Variants in PCMTD1 observed in about 807,000 individuals in gnomAD.
PCMTD1 encodes protein-L-isoaspartate O-methyltransferase domain-containing protein 1.
A neutral mutation model predicts 37.6 loss-of-function variants in PCMTD1; 12 were observed. That is an observed-to-expected ratio of 0.32 (90% CI 0.20 to 0.52). The LOEUF is 0.52. Among genes scored for constraint, PCMTD1 ranks in the 20% least tolerant of loss-of-function variants. PCMTD1 has a pLI of 0.97. For synonymous variants in PCMTD1, 117 were observed against 135.8 expected, an observed-to-expected ratio of 0.86 and a Z score of 0.96; for missense variants, 235 against 421.3, an observed-to-expected ratio of 0.56 and a Z score of 3.87.
intron 1 of PCMTD1, among the ~76,000 whole-genome samples, chr8:51,884,977 T>C (rs2038844321): frequency 6.6e-6 from 1 of 152,184 alleles, no homozygotes; most frequent in Non-Finnish European, 1.5e-5. Flanking sequence ...CTGTACTTCC[T>C]ACTGGTTCTG....
chr8:51,850,923 A>G (rs146132451), intron 2 of PCMTD1, among the ~76,000 whole-genome samples: 80 of 152,344 alleles, frequency 5.3e-4, no homozygotes, highest in East Asian at 2.7e-3. Context: ...TTCTTTTCAC[A>G]AATATCCTGT....
chr8:51,896,959 G>A (rs1292745885), intron 1 of PCMTD1, among the ~76,000 whole-genome samples: 1 of 150,644 alleles, frequency 6.6e-6, no homozygotes, highest in Non-Finnish European at 1.5e-5. Flanking sequence ...TATAGAATGA[G>A]AAGAATGTCA....
At chr8:51,881,529 A>G (rs997710320) in intron 1 of PCMTD1, among the ~76,000 whole-genome samples, 7 of 152,198 alleles carry the variant, frequency 4.6e-5, no homozygotes, top group Non-Finnish European at 8.8e-5. Flanking sequence ...TAGCATCTAT[A>G]TTTACATCTA....
rs2129270572 is a variant in PCMTD1, at chr8:51,817,964, T to C, written c.*2387A>G. ...CACCCAAATTAGATGATACTTACTG[T>C]TTTAACTAGCTATAAAATTCCAATA... On this transcript the variant is annotated 3_prime_UTR_variant, in exon 6 of 6. Transcript: ENST00000522514. The C allele has an allele frequency of 6.6e-6, 3 of 456,580 alleles. No individual in the cohort carries two copies. Among genetic ancestry groups the C allele is most frequent in the South Asian group, 4.7e-5 (3 of 64,508 alleles). 28.3% of individuals were successfully genotyped at this position (456,580 alleles called of 1,614,324 possible). A position where few individuals can be genotyped will look rare whatever the true frequency, so the allele number is the denominator to read the frequency against.
intron 1 of PCMTD1, among the ~76,000 whole-genome samples, chr8:51,882,470 C>A (rs910830828): frequency 6.6e-6 from 1 of 152,128 alleles, no homozygotes; most frequent in South Asian, 2.1e-4. Flanking sequence ...CTCAAACACC[C>A]GCCTATGTAT....
chr8:51,836,497 C>T (rs1318922799), intron 3 of PCMTD1, among the ~76,000 whole-genome samples: 1 of 151,964 alleles, frequency 6.6e-6, no homozygotes, highest in African/African-American at 2.4e-5. Context: ...TATTTTCCTG[C>T]TGTCTTTGAA....
chr8:51,860,701 TTTTCACATCTA>T, intron 2 of PCMTD1, 133 bp downstream of exon 2: 1 of 687,226 alleles, frequency 1.5e-6, no homozygotes, highest in Non-Finnish European at 2.3e-6. Flanking sequence ...CTACTTTGTG[TTTTCACATCTA>T]AGTAAGGAAG....
chr8:51,857,370 A>G (rs1470815921), intron 2 of PCMTD1, among the ~76,000 whole-genome samples: 1 of 152,246 alleles, frequency 6.6e-6, no homozygotes, highest in East Asian at 1.9e-4. Flanking sequence ...TATATGTTTT[A>G]TAAGATACCT....
intron 2 of PCMTD1, among the ~76,000 whole-genome samples, chr8:51,847,385 G>A (rs1465262286): frequency 6.6e-6 from 1 of 152,182 alleles, no homozygotes; most frequent in East Asian, 1.9e-4. Flanking sequence ...CCAGCACTTT[G>A]GGAGGCCAAG....
chr8:51,859,062 C>G (rs2038433613), intron 2 of PCMTD1, among the ~76,000 whole-genome samples: 1 of 152,124 alleles, frequency 6.6e-6, no homozygotes, highest in African/African-American at 2.4e-5. Context: ...CATACCTCCC[C>G]CATCCCAAGT....
chr8:51,868,174 T>TG (rs985714574), intron 1 of PCMTD1, among the ~76,000 whole-genome samples: 8 of 151,958 alleles, frequency 5.3e-5, no homozygotes, highest in African/African-American at 1.7e-4. Context: ...TTACTTGGTG[T>TG]GGGGGGGTGT....
At chr8:51,878,130 G>A (rs1228699118) in intron 1 of PCMTD1, among the ~76,000 whole-genome samples, 2 of 152,082 alleles carry the variant, frequency 1.3e-5, no homozygotes, top group Admixed American at 6.5e-5. Context: ...CTAAGCAAAC[G>A]GTGTATAGCA....
intron 1 of PCMTD1, among the ~76,000 whole-genome samples, chr8:51,891,530 T>A (rs1451650299): frequency 1.3e-5 from 2 of 151,836 alleles, no homozygotes; most frequent in African/African-American, 4.8e-5. Flanking sequence ...CACTCCAGGC[T>A]GGGTGACACA....
At chr8:51,833,723 A>C in intron 3 of PCMTD1, 34 bp from the exon 4 acceptor site, 1 of 1,580,152 alleles carries the variant, frequency 6.3e-7, no homozygotes, top group African/African-American at 1.3e-5. Flanking sequence ...AATTCAATTA[A>C]GCAAAACATT....
intron 1 of PCMTD1, among the ~76,000 whole-genome samples, chr8:51,870,559 C>G (rs2038624644): frequency 2.6e-5 from 4 of 152,120 alleles, no homozygotes. Flanking sequence ...TAACATATAG[C>G]AGCAATTTCC....
chr8:51,866,102 C>A (rs1294603647), intron 1 of PCMTD1, among the ~76,000 whole-genome samples: 2 of 150,836 alleles, frequency 1.3e-5, no homozygotes, highest in Non-Finnish European at 1.5e-5. Context: ...AAACTTTAAC[C>A]CAGGAGGTGA....
chr8:51,820,765 CATTATCT>C lies in PCMTD1; in HGVS notation c.707-54_707-48del, dbSNP rs1173827306. On this transcript the variant is annotated intron_variant, in intron 5 of 5. Coordinates refer to ENST00000522514, the MANE Select transcript of PCMTD1 (RefSeq NM_052937.4). Reference sequence around the variant, plus strand: ...AAGAAAGAAAATATTAACAATAAAACATTATCTATTGTTTATTTTTTTCATAGAACAA... The same window carrying C: ...AAGAAAGAAAATATTAACAATAAAACATTGTTTATTTTTTTCATAGAACAA... 10 of 1,449,338 alleles carry C rather than the reference CATTATCT, an allele frequency of 6.9e-6. No homozygotes were observed. In the African/African-American group the frequency reaches 1.2e-4, roughly 17 times the overall value. 89.8% of individuals were successfully genotyped at this position (1,449,338 alleles called of 1,614,324 possible).
Position 51,820,468 on chromosome 8 carries a change from A to G in PCMTD1, c.957T>C (p.Asp319=), listed in dbSNP as rs771198440. The part of the protein sequence containing the change: ...EEDNKEEEEK[D]HNEAMKPEEP... ...CCTCTGGCTTCATTGCTTCATTGTGATCTTTTTCCTCCTCTTCTTTGTTAT... is the reference window on the plus strand; with the variant it reads ...CCTCTGGCTTCATTGCTTCATTGTGGTCTTTTTCCTCCTCTTCTTTGTTAT... The change falls in exon 6 of 6, where the codon GAT becomes GAC. Residue 319 remains aspartate, a synonymous_variant. Transcript: ENST00000522514. The G allele has an allele frequency of 6.2e-7, 1 of 1,613,916 alleles. No individual in the cohort carries two copies. Among genetic ancestry groups the G allele is most frequent in the East Asian group, 2.2e-5 (1 of 44,862 alleles).
intron 1 of PCMTD1, among the ~76,000 whole-genome samples, chr8:51,873,234 C>T (rs1236632175): frequency 6.6e-6 from 1 of 152,072 alleles, no homozygotes; most frequent in Non-Finnish European, 1.5e-5. Flanking sequence ...TAAAAACAGA[C>T]TGAGAAAGAG....
Sources: gnomAD v4.1 joint callset for allele counts (sites outside exome capture counted in the v4.1 genomes callset) on GRCh38, gnomAD v4.1.1 for gene constraint, MANE v1.5 for transcripts, NCBI Gene and HGNC (gene_info 2026-07-23, HGNC 2026-07-21) for gene names.